The following C1orf53 variants were observed in gnomAD, a reference collection of about 807,000 sequenced individuals.
C1orf53 encodes the protein chromosome 1 open reading frame 53.
Under a neutral mutation model 17.5 loss-of-function variants are expected in C1orf53, and 23 were observed. That is an observed-to-expected ratio of 1.31 (90% CI 0.94 to 1.86). The LOEUF (loss-of-function observed/expected upper bound fraction) is 1.86, where lower values mean the gene tolerates loss of function less well. Among genes scored for constraint, C1orf53 ranks in the 40% most tolerant of loss-of-function variants. The probability of loss-of-function intolerance (pLI) is 0.00; values close to 1 mark genes in which losing one functional copy is unlikely to be tolerated. For synonymous variants in C1orf53, 108 were observed against 81.9 expected (o/e 1.32, Z -1.72); for missense variants, 255 against 193.2 (o/e 1.32, Z -1.89).
chr1:197,907,189 A>G lies in C1orf53; in HGVS notation c.407A>G (p.Lys136Arg), dbSNP rs184806237. Reference sequence around the variant, plus strand: ...GTCAATGTTAAAGATCCATCTAAAAAGAAGCAATTCAATTCATATTTTTAT... The same window carrying G: ...GTCAATGTTAAAGATCCATCTAAAAGGAAGCAATTCAATTCATATTTTTAT... The part of the protein sequence containing the change: ...GQVNVKDPSK[K>R]KQFNSYFYV The change falls in exon 3 of 3, where the codon AAG becomes AGG. Residue 136 changes from lysine to arginine, a missense_variant. By Grantham distance (26) the Lys-to-Arg change is conservative. Coordinates refer to ENST00000367393, the MANE Select transcript of C1orf53 (RefSeq NM_001024594.3). 367 of 1,585,430 alleles carry G rather than the reference A, an allele frequency of 2.3e-4. No individual in the cohort carries two copies. The highest frequency in any genetic ancestry group is 1.2e-3 in the African/African-American group (87 of 74,402).
chr1:197,905,763 A>T (rs759897566), intron 1 of C1orf53, 33 bp from the exon 2 acceptor site: 5 of 1,343,978 alleles, frequency 3.7e-6, no homozygotes, highest in Non-Finnish European at 5.3e-6. Context: ...GAATATTGAG[A>T]TTAATGAATT....
At chr1:197,904,112 C>T (rs1020951644) in intron 1 of C1orf53, among the ~76,000 whole-genome samples, 4 of 152,186 alleles carry the variant, frequency 2.6e-5, no homozygotes, top group Non-Finnish European at 4.4e-5. Context: ...TAAGTAAGCC[C>T]AGTAAATAAC....
At chr1:197,903,808 C>G (rs926430562) in intron 1 of C1orf53, among the ~76,000 whole-genome samples, 4 of 152,114 alleles carry the variant, frequency 2.6e-5, no homozygotes. Context: ...TCGGTCTGAC[C>G]CATTCAAGTG....
intron 1 of C1orf53, 23 bp from the exon 2 acceptor site, chr1:197,905,773 T>C: frequency 1.4e-6 from 2 of 1,443,610 alleles, no homozygotes; most frequent in Non-Finnish European, 9.8e-7. Flanking sequence ...ATTAATGAAT[T>C]GTTTCATTTT....
chr1:197,902,964 G>T (rs919009571), intron 1 of C1orf53, 51 bp downstream of exon 1: 1 of 1,328,424 alleles, frequency 7.5e-7, no homozygotes, highest in East Asian at 3.2e-5. Context: ...CCCGGGCTCG[G>T]CGCGCCTGCG....
chr1:197,905,758 T>C, intron 1 of C1orf53, 38 bp from the exon 2 acceptor site: 1 of 1,306,536 alleles, frequency 7.7e-7, no homozygotes, highest in Non-Finnish European at 1.1e-6. Flanking sequence ...ATGATGAATA[T>C]TGAGATTAAT....
Position 197,902,714 on chromosome 1 carries a change from C to A in C1orf53, c.65C>A (p.Pro22Gln), listed in dbSNP as rs1040416178. Residue 22 changes from proline to glutamine, a missense_variant, in exon 1 of 3, where the codon CCG becomes CAG. Physicochemically the swap from Pro to Gln is moderately conservative, Grantham distance 76 (BLOSUM62 -1). Coordinates refer to ENST00000367393, the MANE Select transcript of C1orf53 (RefSeq NM_001024594.3). ...CTCTGCAGGCAACCTTCCGCCGCCCCGCCGCCAGCACCTCTCTGGGTAAGA... is the reference window on the plus strand; with the variant it reads ...CTCTGCAGGCAACCTTCCGCCGCCCAGCCGCCAGCACCTCTCTGGGTAAGA... ...AALCRQPSAA[P>Q]PPAPLWVRAG... The A allele has an allele frequency of 8.5e-6, 13 of 1,536,764 alleles. No individual in the cohort carries two copies. Among genetic ancestry groups the A allele is most frequent in the Non-Finnish European group, 1.1e-5 (13 of 1,149,852 alleles).
chr1:197,904,834 A>T (rs1018531551), intron 1 of C1orf53, among the ~76,000 whole-genome samples: 24 of 152,246 alleles, frequency 1.6e-4, no homozygotes, highest in African/African-American at 5.1e-4. Flanking sequence ...TAAATGAGAC[A>T]CTGAAGAAGT....
rs1557965601 is a variant in C1orf53 at position 197,905,897 on chromosome 1, T to C, written c.366T>C (p.His122=). 1.2e-6 allele frequency: 2 copies of C among 1,610,068 alleles called. No individual in the cohort carries two copies. The highest frequency in any genetic ancestry group is 1.7e-5 in the Admixed American group (1 of 59,946). Residue 122 remains histidine, a splice_region_variant and synonymous_variant, in exon 2 of 3, where the codon CAT becomes CAC. Coordinates refer to ENST00000367393, the MANE Select transcript of C1orf53 (RefSeq NM_001024594.3). The stretch of plus-strand genomic sequence containing the variant: ...AATGTTGTGGCTCTGCGTGCAGACA[T>C]GTGAGTAGCAATTCTTGCATTACAG... ...RGECCGSACR[H]CPYGQVNVKD...
chr1:197,903,740 G>A (rs1172855079), intron 1 of C1orf53, among the ~76,000 whole-genome samples: 1 of 152,150 alleles, frequency 6.6e-6, no homozygotes, highest in African/African-American at 2.4e-5. Context: ...AATCCCGGAG[G>A]TTGCCTAAAA....
chr1:197,902,933 G>T lies in C1orf53; in HGVS notation c.264+20G>T, dbSNP rs915278855. 7.4e-7 allele frequency: 1 copy of T among 1,347,216 alleles called. No individual in the cohort carries two copies. The highest frequency in any genetic ancestry group is 9.5e-7 in the Non-Finnish European group (1 of 1,055,788). The allele number at this position is 1,347,216 out of a possible 1,614,324, so 83.5% of individuals were successfully genotyped here. A position where few individuals can be genotyped will look rare whatever the true frequency, so the allele number is the denominator to read the frequency against. On this transcript the variant is annotated intron_variant, in intron 1 of 2. Transcript: ENST00000367393. ...TGCGCGGTGAGACTCCCTCCTGCCCGCCCCGCCCCGCCGCGGCCGCCCCGG... is the reference window on the plus strand; with the variant it reads ...TGCGCGGTGAGACTCCCTCCTGCCCTCCCCGCCCCGCCGCGGCCGCCCCGG...
At position 197,902,704 on chromosome 1, in the gene C1orf53, TCCGCCGCC is replaced by T. The variant is rs773673754; in HGVS notation, c.64_71del (p.Pro22SerfsTer21). 3.9e-6 allele frequency: 6 copies of T among 1,522,078 alleles called. No homozygotes were observed. The South Asian group carries it at 7.3e-5, about 19-fold the overall frequency. The allele number at this position is 1,522,078 out of a possible 1,614,324, so 94.3% of individuals were successfully genotyped here. On this transcript the variant is annotated frameshift_variant, in exon 1 of 3. Coordinates refer to ENST00000367393, the MANE Select transcript of C1orf53 (RefSeq NM_001024594.3). LOFTEE classifies it high-confidence loss of function. ...GGGTGCCGCGCTCTGCAGGCAACCT[TCCGCCGCC>T]CCGCCGCCAGCACCTCTCTGGGTAA...
Position 197,905,811 on chromosome 1 carries a change from T to G in C1orf53, c.280T>G (p.Tyr94Asp). The G allele has an allele frequency of 6.2e-7, 1 of 1,613,264 alleles. No individual in the cohort carries two copies. Among genetic ancestry groups the G allele is most frequent in the Non-Finnish European group, 8.5e-7 (1 of 1,179,396 alleles). ...TGCACTTCAGGCTGGCCAGCTAAAC[T>G]ATGTGGATCCAGCTACTGGCTATGT... ...AAACAAGQLN[Y>D]VDPATGYVVL... Residue 94 changes from tyrosine to aspartate, a missense_variant, in exon 2 of 3, where the codon TAT becomes GAT. Coordinates refer to ENST00000367393, the MANE Select transcript of C1orf53 (RefSeq NM_001024594.3).
rs988095408 is a variant in C1orf53, at chr1:197,902,663, A to T, written c.14A>T (p.Gln5Leu). ...GCCGGCGGCGGCATGGCGGCCAGGC[A>T]GATCTGGGCACGGACGGGTGCCGCG... MAAR[Q>L]IWARTGAALC... is the part of the protein sequence containing the mutation. The change falls in exon 1 of 3, where the codon CAG (glutamine) becomes CTG (leucine). Residue 5 changes from glutamine to leucine, a missense_variant. Physicochemically the swap from Gln to Leu is moderately radical, Grantham distance 113. Coordinates refer to ENST00000367393, the MANE Select transcript of C1orf53 (RefSeq NM_001024594.3). The T allele has an allele frequency of 1.4e-6, 2 of 1,467,468 alleles. No homozygotes were observed. The highest frequency in any genetic ancestry group is 9.0e-7 in the Non-Finnish European group (1 of 1,114,820). 90.9% of individuals were successfully genotyped at this position (1,467,468 alleles called of 1,614,324 possible). A position where few individuals can be genotyped will look rare whatever the true frequency, so the allele number is the denominator to read the frequency against.
Position 197,907,139 on chromosome 1 carries a change from T to G in C1orf53, c.367-10T>G, listed in dbSNP as rs374223855. On this transcript the variant is annotated splice_polypyrimidine_tract_variant and intron_variant, in intron 2 of 2. Transcript: ENST00000367393. ...TAATTTAATAATAATTTGTTTTATT[T>G]CTTCTGCAGTGTCCATATGGTCAAG... 3.0e-5 allele frequency: 44 copies of G among 1,491,004 alleles called. No homozygotes were observed. The highest frequency in any genetic ancestry group is 4.0e-5 in the Non-Finnish European group (43 of 1,086,280). The allele number at this position is 1,491,004 out of a possible 1,614,324, so 92.4% of individuals were successfully genotyped here. A position where few individuals can be genotyped will look rare whatever the true frequency, so the allele number is the denominator to read the frequency against.
chr1:197,906,010 C>CT (rs1223265265), intron 2 of C1orf53, 113 bp downstream of exon 2: 1 of 796,410 alleles, frequency 1.3e-6, no homozygotes, highest in Non-Finnish European at 2.1e-6. Context: ...CTGGAGTGAA[C>CT]TTTTCACAAG....
intron 1 of C1orf53, 136 bp from the exon 2 acceptor site, chr1:197,905,660 A>G (rs1056056710): frequency 3.2e-6 from 2 of 623,372 alleles, no homozygotes; most frequent in Non-Finnish European, 5.7e-6. Flanking sequence ...CTTTAATTGC[A>G]AGTGCCACTA....
At chr1:197,906,163 AC>A (rs1659521151) in intron 2 of C1orf53, among the ~76,000 whole-genome samples, 1 of 152,194 alleles carries the variant, frequency 6.6e-6, no homozygotes, top group Admixed American at 6.5e-5. Context: ...TTACAAGGAA[AC>A]TTTTCATGGG....
Position 197,902,860 on chromosome 1 carries a change from G to T in C1orf53, c.211G>T (p.Glu71Ter). ...AGCGGCGAGGCCTTCGGTGAGCGAA[G>T]AGTTAACCGCGGCGGAGCGACAGAT... Reference protein sequence around the residue: ...ERAARPSVSEELTAAERQIAE... With the variant: ...ERAARPSVSE Residue 71 changes from glutamate (E) to a stop codon, truncating the protein, a stop_gained, in exon 1 of 3, where the codon GAG (glutamate) becomes TAG (stop). Transcript: ENST00000367393. LOFTEE classifies it high-confidence loss of function. 1 of 1,535,022 alleles carries T rather than the reference G, an allele frequency of 6.5e-7. No individual in the cohort carries two copies.
Sources: gnomAD v4.1 joint callset for allele counts (sites outside exome capture counted in the v4.1 genomes callset) on GRCh38, gnomAD v4.1.1 for gene constraint, MANE v1.5 for transcripts, NCBI Gene and HGNC (gene_info 2026-07-23, HGNC 2026-07-21) for gene names.